The following RILPL1 variants were observed in gnomAD, a reference collection of about 807,000 sequenced individuals.
The protein encoded by RILPL1 is RILP-like protein 1.
Under a neutral mutation model 50.3 loss-of-function variants are expected in RILPL1, and 33 were observed. The ratio of observed to expected loss-of-function variants is 0.66; its 90% CI spans 0.50 to 0.88. RILPL1 has a LOEUF of 0.88. RILPL1 is among the 40% of genes least tolerant of loss of function. RILPL1 has a pLI of 0.00. For synonymous variants in RILPL1, 205 were observed against 228.6 expected (o/e 0.90, Z 0.93); for missense variants, 418 against 542.5 (o/e 0.77, Z 2.28).
chr12:123,474,411 G>A (rs1881446583), intron 6 of RILPL1: 1 of 152,326 alleles, frequency 6.6e-6, no homozygotes, highest in African/African-American at 2.4e-5. Context: ...CAGTGCAGTG[G>A]CTTGATCTCA....
chr12:123,520,685 C>T (rs11507735), intron 2 of RILPL1, among the ~76,000 whole-genome samples: 6,180 of 152,254 alleles, frequency 0.041, 372 homozygotes, highest in African/African-American at 0.12. Flanking sequence ...TTCTAATGTC[C>T]AAGTCACCGC....
rs2139384970 is a variant in RILPL1, at chr12:123,522,683, T to G, written c.460+812A>C. ...ATCTCAGCTCACTGTGGCCTCGACC[T>G]CCTGGGCTCAAGTGATCCTCCCGCC... On this transcript the variant is annotated intron_variant, in intron 2 of 6. Transcript: ENST00000376874. This position sits in a 1 kb window ranked among gnomAD's most constrained non-coding sequence, Gnocchi z 4.0. 6.6e-6 allele frequency among the ~76,000 whole-genome samples: 1 copy of G among 152,244 alleles called. No homozygotes were observed.
At chr12:123,531,288 T>C (rs1325642322) in intron 1 of RILPL1, among the ~76,000 whole-genome samples, 1 of 152,112 alleles carries the variant, frequency 6.6e-6, no homozygotes, top group East Asian at 1.9e-4. Flanking sequence ...CTGAACACTT[T>C]CCAGAGGCAA....
rs952704003 is a variant in RILPL1 at position 123,510,228 on chromosome 12, G to A, written c.461-10692C>T. 2.6e-5 allele frequency among the ~76,000 whole-genome samples: 4 copies of A among 152,238 alleles called. No homozygotes were observed. In the East Asian group the frequency reaches 5.8e-4, roughly 22 times the overall value. ...CCTGTGAGGGATTCCCGGGCCATGT[G>A]GGGGGCCCGCCTGTGCCCTCTCTCC... is the stretch of plus-strand genomic sequence containing the variant. On this transcript the variant is annotated intron_variant, in intron 2 of 6. Coordinates refer to ENST00000376874, the MANE Select transcript of RILPL1 (RefSeq NM_178314.5).
chr12:123,505,672 G>A (rs892289988), intron 2 of RILPL1, among the ~76,000 whole-genome samples: 16 of 151,672 alleles, frequency 1.1e-4, no homozygotes, highest in African/African-American at 3.6e-4. Flanking sequence ...ACCTAGGCTA[G>A]AGGGCAGTGG....
chr12:123,514,136 G>A (rs1016622444), intron 2 of RILPL1: 8 of 152,252 alleles, frequency 5.3e-5, no homozygotes, highest in African/African-American at 1.7e-4. Flanking sequence ...CAGCCATAAC[G>A]AGGAAAGCAG....
At chr12:123,531,816 G>T (rs1885450367) in intron 1 of RILPL1, among the ~76,000 whole-genome samples, 1 of 152,184 alleles carries the variant, frequency 6.6e-6, no homozygotes. Context: ...GCCTGCAAGT[G>T]GTAGGGTTTG....
intron 4 of RILPL1, among the ~76,000 whole-genome samples, chr12:123,492,236 T>A (rs112776905): frequency 0.06 from 6,215 of 103,604 alleles, 137 homozygotes; most frequent in Middle Eastern, 0.098. Flanking sequence ...GAAAAAAAAA[T>A]ATATATATAT....
intron 4 of RILPL1, among the ~76,000 whole-genome samples, chr12:123,494,934 G>A (rs1226433849): frequency 6.6e-6 from 1 of 152,176 alleles, no homozygotes; most frequent in Non-Finnish European, 1.5e-5. Context: ...TGTTGTCTCT[G>A]CCTGGCCTTT....
At chr12:123,513,266 G>C (rs1249521212) in intron 2 of RILPL1, 1 of 291,056 alleles carries the variant, frequency 3.4e-6, no homozygotes, top group African/African-American at 2.2e-5. Flanking sequence ...ACAGAAGTCA[G>C]TGCCAAAGCC....
At chr12:123,513,197 G>C (rs926982359) in intron 2 of RILPL1, among the ~76,000 whole-genome samples, 2 of 151,788 alleles carry the variant, frequency 1.3e-5, no homozygotes, top group African/African-American at 4.8e-5. Context: ...GTATGTGTGT[G>C]TCTGTGTGGG....
rs746694304 is a variant in RILPL1 at position 123,485,992 on chromosome 12, G to A, written c.802-187C>T. Among the ~76,000 whole-genome samples, 1 of 152,188 alleles carries A rather than the reference G, an allele frequency of 6.6e-6. No individual in the cohort carries two copies. The highest frequency in any genetic ancestry group is 1.5e-5 in the Non-Finnish European group (1 of 68,030). On this transcript the variant is annotated intron_variant, in intron 4 of 6. Coordinates refer to ENST00000376874, the MANE Select transcript of RILPL1 (RefSeq NM_178314.5). This position sits in a 1 kb window ranked among gnomAD's most constrained non-coding sequence, Gnocchi z 4.0. ...AGTTTCCCTCTGGAGGTGGAAGCCA[G>A]CAGCCACCTGTTCATTGTTCGCCTT...
At chr12:123,497,044 C>T (rs1337909258) in intron 4 of RILPL1, among the ~76,000 whole-genome samples, 3 of 152,250 alleles carry the variant, frequency 2.0e-5, no homozygotes, top group African/African-American at 7.2e-5. Context: ...GAGTCACACA[C>T]TGGCCTTTTG....
Position 123,487,314 on chromosome 12 carries a change from T to A in RILPL1, c.802-1509A>T, listed in dbSNP as rs574721538. 2.1e-3 allele frequency among the ~76,000 whole-genome samples: 317 copies of A among 151,950 alleles called. 1 individual carries two copies. The highest frequency in any genetic ancestry group is 3.7e-3 in the Non-Finnish European group (252 of 67,920). ...GCACACACCAGCACTTCACTCTTTT[T>A]TTTTTTGAGATGGCATCTCACTCTG... On this transcript the variant is annotated intron_variant, in intron 4 of 6. Transcript: ENST00000376874.
chr12:123,495,945 C>T (rs149870370), intron 4 of RILPL1, among the ~76,000 whole-genome samples: 168 of 151,810 alleles, frequency 1.1e-3, no homozygotes, highest in African/African-American at 4.0e-3. Flanking sequence ...CCTCCCAACT[C>T]TTAAACCATT....
Position 123,533,130 on chromosome 12 carries a change from C to A in RILPL1, c.309+44G>T. 3 of 1,484,656 alleles carry A rather than the reference C, an allele frequency of 2.0e-6. No individual in the cohort carries two copies. The highest frequency in any genetic ancestry group is 1.3e-5 in the South Asian group (1 of 76,470). 92.0% of individuals were successfully genotyped at this position (1,484,656 alleles called of 1,614,324 possible). ...CAATGCGGAAGAGCCCTTGGGTCCC[C>A]GCGGTCCCACTGCCCGGACGGACAG... On this transcript the variant is annotated intron_variant, in intron 1 of 6. Coordinates refer to ENST00000376874, the MANE Select transcript of RILPL1 (RefSeq NM_178314.5). The surrounding 1 kb of genome is among the most constrained non-coding windows in gnomAD (Gnocchi z 6.2).
In RILPL1 at chr12:123,498,526, A is replaced by G. The variant is rs776784450; in HGVS notation, c.801+18T>C. 1 of 1,609,766 alleles carries G rather than the reference A, an allele frequency of 6.2e-7. No individual in the cohort carries two copies. Among genetic ancestry groups the G allele is most frequent in the Admixed American group, 1.7e-5 (1 of 59,984 alleles). On this transcript the variant is annotated intron_variant, in intron 4 of 6. Transcript: ENST00000376874. The surrounding 1 kb of genome is among the most constrained non-coding windows in gnomAD (Gnocchi z 4.3). ...ACTGACCCTCTGCTACCACCTCTGC[A>G]CCCAGCTTCCTGCTCACCTCAGGCT...
intron 2 of RILPL1, among the ~76,000 whole-genome samples, chr12:123,521,619 GTATA>G (rs1462060026): frequency 1.1e-5 from 1 of 89,140 alleles, no homozygotes; most frequent in African/African-American, 5.3e-5. Context: ...ACACATATGT[GTATA>G]TATATACACA....
intron 6 of RILPL1, chr12:123,474,975 T>A (rs1167348762): frequency 6.6e-6 from 1 of 152,424 alleles, no homozygotes; most frequent in Admixed American, 6.5e-5. Flanking sequence ...CAAGTTTATC[T>A]GATGAAACTC....
Sources: gnomAD v4.1 joint callset for allele counts (sites outside exome capture counted in the v4.1 genomes callset) on GRCh38, gnomAD v4.1.1 for gene constraint, Gnocchi (gnomAD v3.1) non-coding constraint, MANE v1.5 for transcripts, NCBI Gene and HGNC (gene_info 2026-07-23, HGNC 2026-07-21) for gene names.